RYR2: variants seen among roughly 807,000 people sequenced by gnomAD.
The protein encoded by RYR2 is ryanodine receptor 2, also known as cardiac muscle ryanodine receptor-calcium release channel.
In RYR2, 227 loss-of-function variants were observed where a neutral mutation model predicts 601.1. The ratio of observed to expected loss-of-function variants is 0.38; its 90% CI spans 0.34 to 0.42. The LOEUF (loss-of-function observed/expected upper bound fraction) is 0.42. Among genes scored for constraint, RYR2 ranks in the 10% least tolerant of loss-of-function variants. RYR2 has a pLI of 1.00. For missense variants in RYR2, 4,646 were observed against 6,156.5 expected (o/e 0.75, Z 8.21); for synonymous variants, 2,223 against 2,175.1 (o/e 1.02, Z -0.61).
chr1:237,458,389 A>C (rs1306343761), intron 16 of RYR2, among the ~76,000 whole-genome samples: 1 of 152,218 alleles, frequency 6.6e-6, no homozygotes, highest in Non-Finnish European at 1.5e-5. Flanking sequence ...AGATTGCGCC[A>C]CTGCACTCCA....
chr1:237,478,637 CT>C (rs1470667097), intron 17 of RYR2, among the ~76,000 whole-genome samples: 1 of 150,946 alleles, frequency 6.6e-6, no homozygotes, highest in Non-Finnish European at 1.5e-5. Flanking sequence ...CTGTTCTAGT[CT>C]CTTTAAATAT....
At chr1:237,068,061 G>C (rs1475458333) in intron 1 of RYR2, among the ~76,000 whole-genome samples, 1 of 110,754 alleles carries the variant, frequency 9.0e-6, no homozygotes, top group African/African-American at 3.7e-5. Flanking sequence ...GCTAAGAACT[G>C]TACCTATTTT....
In RYR2 at chr1:237,548,605, G is replaced by A. The variant is rs1271053345; in HGVS notation, c.3066+15G>A. Reference sequence around the variant, plus strand: ...GCATCCAACAGGTACATGGGAATTAGCATTTGGTCTGAGACTTACTTAAGT... The same window carrying A: ...GCATCCAACAGGTACATGGGAATTAACATTTGGTCTGAGACTTACTTAAGT... On this transcript the variant is annotated intron_variant, in intron 26 of 104. Coordinates refer to ENST00000366574, the MANE Select transcript of RYR2 (RefSeq NM_001035.3). 1.2e-6 allele frequency: 2 copies of A among 1,612,102 alleles called. No individual in the cohort carries two copies. Among genetic ancestry groups the A allele is most frequent in the Non-Finnish European group, 1.7e-6 (2 of 1,178,938 alleles).
chr1:237,063,533 A>G (rs2148260817), intron 1 of RYR2, among the ~76,000 whole-genome samples: 1 of 151,664 alleles, frequency 6.6e-6, no homozygotes, highest in South Asian at 2.1e-4. Flanking sequence ...TAATACTTTA[A>G]ATTTATTTAT....
chr1:237,828,504 C>A, intron 102 of RYR2, 59 bp downstream of exon 102: 1 of 1,085,314 alleles, frequency 9.2e-7, no homozygotes, highest in Non-Finnish European at 1.3e-6. Flanking sequence ...GTTTTCCTCA[C>A]TACCTTTATC....
chr1:237,388,052 A>C, intron 9 of RYR2, 35 bp from the exon 10 acceptor site: 1 of 1,574,674 alleles, frequency 6.4e-7, no homozygotes, highest in Non-Finnish European at 8.7e-7. Context: ...CCTGACACTG[A>C]CAGTCCAGAC....
intron 36 of RYR2, among the ~76,000 whole-genome samples, chr1:237,612,345 C>A (rs947601638): frequency 6.6e-6 from 1 of 152,034 alleles, no homozygotes; most frequent in African/African-American, 2.4e-5. Context: ...CTAAACTCAA[C>A]TTATAGTTAT....
chr1:237,345,451 G>T (rs1286109027), intron 3 of RYR2, among the ~76,000 whole-genome samples: 1 of 143,000 alleles, frequency 7.0e-6, no homozygotes, highest in Non-Finnish European at 1.6e-5. Context: ...GAGAGACTCT[G>T]CCAAAAAATA....
chr1:237,469,003 G>A (rs1181683718), intron 16 of RYR2, 89 bp from the exon 17 acceptor site: 3 of 1,009,274 alleles, frequency 3.0e-6, no homozygotes, highest in Non-Finnish European at 4.6e-6. Context: ...TTTTGTTCTT[G>A]ATCCAATATT....
intron 29 of RYR2, among the ~76,000 whole-genome samples, chr1:237,574,518 T>C (rs1016589176): frequency 6.6e-6 from 1 of 152,286 alleles, no homozygotes; most frequent in Middle Eastern, 3.4e-3. Flanking sequence ...TTTGAGTTAG[T>C]CAAATAGAGA....
chr1:237,491,174 G>A (rs1244699634), intron 17 of RYR2, among the ~76,000 whole-genome samples: 3 of 152,176 alleles, frequency 2.0e-5, no homozygotes, highest in East Asian at 1.9e-4. Flanking sequence ...AAAATACCAC[G>A]ATTTTTAATC....
At position 237,610,350 on chromosome 1, in the gene RYR2, T is replaced by C. The variant is rs1488604624; in HGVS notation, c.4684-412T>C. 6.6e-6 allele frequency among the ~76,000 whole-genome samples: 1 copy of C among 152,166 alleles called. No individual in the cohort carries two copies. The highest frequency in any genetic ancestry group is 1.5e-5 in the Non-Finnish European group (1 of 68,030). ...CGAGTTGGGTGACAGAGAACAGATA[T>C]TGAGAGAGAGAGCCAGGGGGATGTG... On this transcript the variant is annotated intron_variant, in intron 35 of 104. Transcript: ENST00000366574. The surrounding 1 kb of genome is among the most constrained non-coding windows in gnomAD (Gnocchi z 4.9).
At chr1:237,482,663 T>C (rs778279845) in intron 17 of RYR2, among the ~76,000 whole-genome samples, 1 of 152,186 alleles carries the variant, frequency 6.6e-6, no homozygotes, top group African/African-American at 2.4e-5. Flanking sequence ...GCAACCACCA[T>C]GGAGTGCAGA....
At chr1:237,361,752 A>G (rs925096293) in intron 4 of RYR2, among the ~76,000 whole-genome samples, 1 of 152,234 alleles carries the variant, frequency 6.6e-6, no homozygotes, top group African/African-American at 2.4e-5. Context: ...ACTGAAAGGC[A>G]TCATTATAAT....
At chr1:237,569,029 T>G (rs933859852) in intron 28 of RYR2, 116 bp from the exon 29 acceptor site, 3 of 810,318 alleles carry the variant, frequency 3.7e-6, no homozygotes, top group African/African-American at 1.7e-5. Flanking sequence ...CCAGCTGGAG[T>G]TTCTCCTACT....
At position 237,574,043 on chromosome 1, in the gene RYR2, A is replaced by G. The variant is rs550072423; in HGVS notation, c.3598+4724A>G. On this transcript the variant is annotated intron_variant, in intron 29 of 104. Coordinates refer to ENST00000366574, the MANE Select transcript of RYR2 (RefSeq NM_001035.3). ...TCAAGAGCATTGTTGAACTAGAGTG[A>G]AATTCCACTAGAATTTCAGGGTTTA... Among the ~76,000 whole-genome samples, 4 of 152,262 alleles carry G rather than the reference A, an allele frequency of 2.6e-5. No individual in the cohort carries two copies. In the South Asian group the frequency reaches 8.3e-4, roughly 32 times the overall value.
At position 237,288,290 on chromosome 1, in the gene RYR2, G is replaced by A. The variant is rs185931987; in HGVS notation, c.168+17674G>A. Among the ~76,000 whole-genome samples the A allele has an allele frequency of 1.9e-4, 29 of 152,316 alleles. No individual in the cohort carries two copies. The East Asian group carries it at 3.7e-3, about 19-fold the overall frequency. On this transcript the variant is annotated intron_variant, in intron 2 of 104. Coordinates refer to ENST00000366574, the MANE Select transcript of RYR2 (RefSeq NM_001035.3). The stretch of plus-strand genomic sequence containing the variant: ...TGCTCTACTTTTGTGCTAGTTGGCT[G>A]CCTGCCAGGAAATGGCACTTTCCAG...
At chr1:237,092,650 C>T (rs1667100254) in intron 1 of RYR2, among the ~76,000 whole-genome samples, 1 of 151,862 alleles carries the variant, frequency 6.6e-6, no homozygotes, top group Non-Finnish European at 1.5e-5. Flanking sequence ...CTGCCTCAGC[C>T]TCCCGAGTAA....
intron 29 of RYR2, among the ~76,000 whole-genome samples, chr1:237,577,192 G>A (rs930862050): frequency 6.6e-6 from 1 of 152,118 alleles, no homozygotes. Context: ...GCCAAAGCCA[G>A]GATACAACTG....
Sources: gnomAD v4.1 joint callset for allele counts (sites outside exome capture counted in the v4.1 genomes callset) on GRCh38, gnomAD v4.1.1 for gene constraint, Gnocchi (gnomAD v3.1) non-coding constraint, MANE v1.5 for transcripts, NCBI Gene and HGNC (gene_info 2026-07-23, HGNC 2026-07-21) for gene names.